LSAMP: variants seen among roughly 807,000 people sequenced by gnomAD.
The protein encoded by LSAMP is limbic system-associated membrane protein.
LSAMP carries 7 observed loss-of-function variants against 38.6 expected under a neutral mutation model. That is an observed-to-expected ratio of 0.18 (90% CI 0.10 to 0.34). LSAMP has a LOEUF of 0.34. LSAMP is among the 10% of genes least tolerant of loss of function. The probability of loss-of-function intolerance (pLI) is 1.00; values close to 1 mark genes in which losing one functional copy is unlikely to be tolerated. For missense variants in LSAMP, 313 were observed against 420.0 expected, an observed-to-expected ratio of 0.75 and a Z score of 2.23; for synonymous variants, 154 against 166.8, an observed-to-expected ratio of 0.92 and a Z score of 0.59.
At chr3:115,914,075 G>T (rs1455795606) in intron 3 of LSAMP, among the ~76,000 whole-genome samples, 4 of 152,118 alleles carry the variant, frequency 2.6e-5, no homozygotes, top group Admixed American at 6.5e-5. Context: ...ATAATCATAG[G>T]ACTGTGGCAG....
chr3:115,925,992 T>A (rs1312728272), intron 3 of LSAMP, among the ~76,000 whole-genome samples: 1 of 151,762 alleles, frequency 6.6e-6, no homozygotes, highest in East Asian at 1.9e-4. Flanking sequence ...GATGATTACA[T>A]GTGATAGAAA....
intron 1 of LSAMP, among the ~76,000 whole-genome samples, chr3:116,233,447 A>G (rs1172436089): frequency 2.0e-5 from 3 of 147,706 alleles, no homozygotes; most frequent in Non-Finnish European, 4.5e-5. Context: ...TGGACTAGGT[A>G]ATACTTATAT....
At chr3:116,145,241 CA>C (rs1709464465) in intron 1 of LSAMP, among the ~76,000 whole-genome samples, 1 of 151,540 alleles carries the variant, frequency 6.6e-6, no homozygotes, top group African/African-American at 2.4e-5. Context: ...AAAATTCTAT[CA>C]GGCCATTTTT....
In LSAMP at chr3:116,019,624, G is replaced by A; in HGVS notation, c.405C>T (p.Ser135=). 1.9e-6 allele frequency: 3 copies of A among 1,612,264 alleles called. No individual in the cohort carries two copies. Among genetic ancestry groups the A allele is most frequent in the Non-Finnish European group, 2.5e-6 (3 of 1,178,668 alleles). Residue 135 remains serine, a synonymous_variant, in exon 3 of 7, where the codon TCC becomes TCT. Coordinates refer to ENST00000490035, the MANE Select transcript of LSAMP (RefSeq NM_002338.5). ...YLIVQVPPKI[S]NISSDVTVNE... ...TCACAGTGACATCCGAGGAGATATT[G>A]GAGATCTTTGGTGGGACTGTGAAAA...
intron 3 of LSAMP, among the ~76,000 whole-genome samples, chr3:115,936,636 A>T (rs1937710754): frequency 6.6e-6 from 1 of 152,192 alleles, no homozygotes; most frequent in South Asian, 2.1e-4. Context: ...GAGAAGTAGC[A>T]ATCTAAAAAA....
At chr3:116,399,396 A>G (rs1354390929) in intron 1 of LSAMP, among the ~76,000 whole-genome samples, 1 of 152,168 alleles carries the variant, frequency 6.6e-6, no homozygotes, top group Non-Finnish European at 1.5e-5. Flanking sequence ...GTGTATGGGT[A>G]GTAATAATGG....
chr3:116,042,664 G>A (rs1266712818), intron 2 of LSAMP, among the ~76,000 whole-genome samples: 2 of 152,058 alleles, frequency 1.3e-5, no homozygotes, highest in Non-Finnish European at 2.9e-5. Context: ...TCCTGATCTC[G>A]TGATCCACCC....
At chr3:115,993,988 G>A (rs533706401) in intron 3 of LSAMP, among the ~76,000 whole-genome samples, 160 of 152,192 alleles carry the variant, frequency 1.1e-3, no homozygotes, top group African/African-American at 3.6e-3. Flanking sequence ...AGTGGTTCAA[G>A]TTCTAGAGCT....
intron 6 of LSAMP, among the ~76,000 whole-genome samples, chr3:115,831,382 G>A (rs1396851788): frequency 6.6e-6 from 1 of 152,258 alleles, no homozygotes; most frequent in Non-Finnish European, 1.5e-5. Flanking sequence ...GGAATTTTTC[G>A]CTTGAGAGTT....
intron 1 of LSAMP, among the ~76,000 whole-genome samples, chr3:116,398,317 C>G (rs570144293): frequency 6.6e-6 from 1 of 151,974 alleles, no homozygotes; most frequent in Non-Finnish European, 1.5e-5. Context: ...AGTGAGTATT[C>G]GTTGAGAAAA....
intron 1 of LSAMP, among the ~76,000 whole-genome samples, chr3:116,359,165 G>C (rs1323645348): frequency 6.6e-6 from 1 of 152,076 alleles, no homozygotes; most frequent in Non-Finnish European, 1.5e-5. Context: ...CTTTTTGGTT[G>C]AGTCTTTTCT....
At position 115,950,812 on chromosome 3, in the gene LSAMP, A is replaced by G. The variant is rs1938261208; in HGVS notation, c.514+68703T>C. Among the ~76,000 whole-genome samples, 2 of 128,562 alleles carry G rather than the reference A, an allele frequency of 1.6e-5. 1 individual carries two copies. Among genetic ancestry groups the G allele is most frequent in the African/African-American group, 5.5e-5 (2 of 36,462 alleles). The allele number at this position is 128,562 out of a possible 152,430, so 84.3% of individuals were successfully genotyped here. ...GCAAGACTTAGCAAAAAAAAAAAAAAAAAAAAAAAAAAAATCTGGAAGCAT... is the reference window on the plus strand; with the variant it reads ...GCAAGACTTAGCAAAAAAAAAAAAAGAAAAAAAAAAAAAATCTGGAAGCAT... On this transcript the variant is annotated intron_variant, in intron 3 of 6. Coordinates refer to ENST00000490035, the MANE Select transcript of LSAMP (RefSeq NM_002338.5).
intron 3 of LSAMP, among the ~76,000 whole-genome samples, chr3:115,874,909 T>TAAA (rs576747449): frequency 6.9e-6 from 1 of 145,734 alleles, no homozygotes; most frequent in Admixed American, 6.8e-5. Context: ...GAAGGTACTT[T>TAAA]AAAAAAAAAA....
chr3:116,445,441 A>G lies in LSAMP; in HGVS notation c.-410T>C. The stretch of plus-strand genomic sequence containing the variant: ...AGGCTGGCGGGCGGGCGGGCGAGGG[A>G]GCCGGCACCAAGCCTGCCAGTGAGT... On this transcript the variant is annotated 5_prime_UTR_variant, in exon 1 of 7. Coordinates refer to ENST00000490035, the MANE Select transcript of LSAMP (RefSeq NM_002338.5). The G allele has an allele frequency of 2.2e-6, 1 of 451,212 alleles. No homozygotes were observed. The highest frequency in any genetic ancestry group is 5.9e-5 in the South Asian group (1 of 16,830). The allele number at this position is 451,212 out of a possible 1,614,324, so 28.0% of individuals were successfully genotyped here. A position where few individuals can be genotyped will look rare whatever the true frequency, so the allele number is the denominator to read the frequency against.
intron 1 of LSAMP, among the ~76,000 whole-genome samples, chr3:116,264,110 A>G (rs943961425): frequency 2.6e-5 from 4 of 152,298 alleles, no homozygotes; most frequent in East Asian, 1.9e-4. Flanking sequence ...ACCTTTTAGT[A>G]TTATGTTGTC....
intron 1 of LSAMP, among the ~76,000 whole-genome samples, chr3:116,289,028 C>G (rs1195572085): frequency 6.6e-6 from 1 of 152,060 alleles, no homozygotes; most frequent in Non-Finnish European, 1.5e-5. Context: ...CAATACAGTG[C>G]ACACTTAGAG....
chr3:116,021,751 T>A (rs1276397225), intron 2 of LSAMP, among the ~76,000 whole-genome samples: 2 of 146,788 alleles, frequency 1.4e-5, no homozygotes, highest in Non-Finnish European at 3.0e-5. Context: ...AATCCACAAC[T>A]AAAAAAAAAT....
chr3:115,821,911 T>G (rs1934252645), intron 6 of LSAMP, among the ~76,000 whole-genome samples: 1 of 152,212 alleles, frequency 6.6e-6, no homozygotes, highest in Non-Finnish European at 1.5e-5. Context: ...TGACTTCTGT[T>G]TATTTATTTA....
At chr3:116,420,833 C>A (rs952696697) in intron 1 of LSAMP, among the ~76,000 whole-genome samples, 7 of 152,010 alleles carry the variant, frequency 4.6e-5, no homozygotes, top group Non-Finnish European at 1.0e-4. Flanking sequence ...GTGGAGCTCA[C>A]GCCACTGCAC....
Sources: allele counts gnomAD v4.1 joint callset (sites outside exome capture counted in the v4.1 genomes callset), GRCh38; gene constraint gnomAD v4.1.1; transcripts MANE v1.5; gene names NCBI Gene and HGNC (gene_info 2026-07-23, HGNC 2026-07-21).